Variants in MICAL3 observed in about 807,000 individuals in gnomAD.
The protein encoded by MICAL3 is microtubule associated monooxygenase, calponin and LIM domain containing 3, also known as [F-actin]-monooxygenase MICAL3.
In MICAL3, 62 loss-of-function variants were observed where a neutral mutation model predicts 207.4. The ratio of observed to expected loss-of-function variants is 0.30; its 90% CI spans 0.24 to 0.37. The LOEUF (loss-of-function observed/expected upper bound fraction) is 0.37, where lower values mean the gene tolerates loss of function less well. Ranked by LOEUF, MICAL3 falls within the 10% of genes least tolerant of loss-of-function variation. The pLI is 1.00. For missense variants in MICAL3, 2,368 were observed against 2,635.6 expected (o/e 0.90, Z 2.22); for synonymous variants, 1,077 against 1,069.3 (o/e 1.01, Z -0.14).
intron 1 of MICAL3, among the ~76,000 whole-genome samples, chr22:17,926,943 T>C (rs1436733349): frequency 6.6e-6 from 1 of 151,494 alleles, no homozygotes; most frequent in East Asian, 1.9e-4. Flanking sequence ...ATATATAACA[T>C]AAAAGTTGTT....
chr22:17,994,231 C>T lies in MICAL3; in HGVS notation c.-75+30050G>A, dbSNP rs183367528. On this transcript the variant is annotated intron_variant, in intron 1 of 31. Coordinates refer to ENST00000441493, the MANE Select transcript of MICAL3 (RefSeq NM_015241.3). ...GTTGGTGGAGGAGGGAGGAATATGG[C>T]TAGAACCTCTGTAAGCTGACTTTCT... Among the ~76,000 whole-genome samples, 11 of 152,320 alleles carry T rather than the reference C, an allele frequency of 7.2e-5. No homozygotes were observed. In the East Asian group the frequency reaches 1.7e-3, roughly 24 times the overall value.
At position 17,906,565 on chromosome 22, in the gene MICAL3, G is replaced by C. The variant is rs781098933; in HGVS notation, c.248C>G (p.Ala83Gly). Reference sequence around the variant, plus strand: ...AAAGCTTACCTTGGTGTTAGTGCACGCTTTTCCCTTTTTGTAGTCTTTGTG... The same window carrying C: ...AAAGCTTACCTTGGTGTTAGTGCACCCTTTTCCCTTTTTGTAGTCTTTGTG... ...GSHKDYKKGK[A>G]CTNTKCLIIG... Residue 83 changes from alanine (A) to glycine (G), a missense_variant, in exon 2 of 32, where the codon GCG (alanine) becomes GGG (glycine). Physicochemically the swap from Ala to Gly is moderately conservative, Grantham distance 60. Around this residue, in one of 4 missense-constraint regions of MICAL3, gnomAD observed 400 missense variants for 547.0 expected, o/e 0.73. Coordinates refer to ENST00000441493, the MANE Select transcript of MICAL3 (RefSeq NM_015241.3). The C allele has an allele frequency of 1.2e-6, 2 of 1,611,842 alleles. No individual in the cohort carries two copies. Among genetic ancestry groups the C allele is most frequent in the Non-Finnish European group, 1.7e-6 (2 of 1,178,398 alleles).
chr22:17,931,416 G>T (rs1384560678), intron 1 of MICAL3, among the ~76,000 whole-genome samples: 1 of 152,236 alleles, frequency 6.6e-6, no homozygotes, highest in African/African-American at 2.4e-5. Flanking sequence ...TACTAAGGAA[G>T]AACCACACAC....
At chr22:17,901,108 C>G in intron 5 of MICAL3, 111 bp from the exon 6 acceptor site, 1 of 1,039,688 alleles carries the variant, frequency 9.6e-7, no homozygotes, top group Non-Finnish European at 1.5e-6. Flanking sequence ...GGGATGAGAA[C>G]TGATGGGAAA....
chr22:17,883,652 G>A (rs1268687190), intron 16 of MICAL3, among the ~76,000 whole-genome samples: 1 of 152,126 alleles, frequency 6.6e-6, no homozygotes, highest in African/African-American at 2.4e-5. Flanking sequence ...CTTAGAAAGC[G>A]CATGCCATCA....
intron 29 of MICAL3, 77 bp from the exon 30 acceptor site, chr22:17,791,378 G>A (rs2061823087): frequency 8.0e-7 from 1 of 1,245,480 alleles, no homozygotes; most frequent in Non-Finnish European, 1.2e-6. Flanking sequence ...CGGGGCAAAT[G>A]TGCAAAGAGG....
At chr22:17,873,320 A>C (rs1282642188) in intron 16 of MICAL3, among the ~76,000 whole-genome samples, 1 of 152,226 alleles carries the variant, frequency 6.6e-6, no homozygotes. Context: ...CTCAGAAGGA[A>C]CCATGTTCAC....
At chr22:17,809,881 CTTTT>C (rs532173895) in intron 28 of MICAL3, among the ~76,000 whole-genome samples, 2 of 146,552 alleles carry the variant, frequency 1.4e-5, no homozygotes, top group Non-Finnish European at 3.0e-5. Flanking sequence ...AGGGTTCTTC[CTTTT>C]TTTTTTTATT....
In MICAL3 at chr22:17,820,938, TTA is replaced by T. The variant is rs1338763227; in HGVS notation, c.3531+487_3531+488del. 1.6e-4 allele frequency among the ~76,000 whole-genome samples: 22 copies of T among 141,350 alleles called. 1 individual carries two copies. Among genetic ancestry groups the T allele is most frequent in the South Asian group, 1.1e-3 (5 of 4,634 alleles). The allele number at this position is 141,350 out of a possible 152,430, so 92.7% of individuals were successfully genotyped here. ...TTTATAAACATAAATTTTAATAAAT[TTA>T]TGTTTATAAACATAAATTTTAATAA... On this transcript the variant is annotated intron_variant, in intron 25 of 31. Coordinates refer to ENST00000441493, the MANE Select transcript of MICAL3 (RefSeq NM_015241.3).
At chr22:17,809,342 T>A (rs2062019507) in intron 28 of MICAL3, among the ~76,000 whole-genome samples, 1 of 152,128 alleles carries the variant, frequency 6.6e-6, no homozygotes, top group Non-Finnish European at 1.5e-5. Context: ...ACGATAAAAA[T>A]TTAAAACAGA....
rs1327166044 is a variant in MICAL3, at chr22:17,823,021, G to A, written c.3233C>T (p.Ser1078Leu). Reference protein sequence around the residue: ...DENDLEEDVDSEPAEIEGEAA... With the variant: ...DENDLEEDVDLEPAEIEGEAA... ...CTCCCCTTCTATCTCGGCTGGTTCTGAGTCCACATCTTCCTCTAGGTCATT... is the reference window on the plus strand; with the variant it reads ...CTCCCCTTCTATCTCGGCTGGTTCTAAGTCCACATCTTCCTCTAGGTCATT... The change falls in exon 23 of 32, where the codon TCA becomes TTA. Residue 1078 changes from serine to leucine, a missense_variant. Transcript: ENST00000441493. The A allele has an allele frequency of 1.2e-6, 2 of 1,613,768 alleles. No homozygotes were observed. The highest frequency in any genetic ancestry group is 1.7e-6 in the Non-Finnish European group (2 of 1,179,734).
chr22:17,794,978 T>C (rs887431949), intron 29 of MICAL3, among the ~76,000 whole-genome samples: 7 of 152,208 alleles, frequency 4.6e-5, no homozygotes, highest in African/African-American at 1.7e-4. Context: ...CTTGTTTTAC[T>C]CAACAGAAGG....
intron 1 of MICAL3, among the ~76,000 whole-genome samples, chr22:17,946,332 G>A (rs1934064855): frequency 6.6e-6 from 1 of 152,216 alleles, no homozygotes; most frequent in Non-Finnish European, 1.5e-5. Context: ...AGAGCAGCCA[G>A]CACAGCTTGC....
At chr22:17,876,694 G>T (rs1928387597) in intron 16 of MICAL3, 1 of 150,786 alleles carries the variant, frequency 6.6e-6, no homozygotes, top group Admixed American at 6.6e-5. Flanking sequence ...AAGTACACAT[G>T]CAGGGTTATG....
At chr22:17,942,160 C>T (rs1229837672) in intron 1 of MICAL3, among the ~76,000 whole-genome samples, 3 of 152,208 alleles carry the variant, frequency 2.0e-5, no homozygotes, top group Non-Finnish European at 4.4e-5. Context: ...GCAGCCACAC[C>T]GCAACATGGC....
At position 17,825,783 on chromosome 22, in the gene MICAL3, T is replaced by C. The variant is rs1922116722; in HGVS notation, c.3193+1861A>G. 2.0e-5 allele frequency among the ~76,000 whole-genome samples: 3 copies of C among 152,216 alleles called. No homozygotes were observed. The South Asian group carries it at 6.2e-4, about 32-fold the overall frequency. Reference sequence around the variant, plus strand: ...CTCCAAGGGCCGAGGCCAAGAATGTTAAACCTTCTGCAAGGGAAAGAGCTG... The same window carrying C: ...CTCCAAGGGCCGAGGCCAAGAATGTCAAACCTTCTGCAAGGGAAAGAGCTG... On this transcript the variant is annotated intron_variant, in intron 22 of 31. Transcript: ENST00000441493.
chr22:17,805,612 G>A (rs921027548), intron 29 of MICAL3, among the ~76,000 whole-genome samples: 2 of 152,232 alleles, frequency 1.3e-5, no homozygotes, highest in African/African-American at 4.8e-5. Flanking sequence ...TGGTTTTCAA[G>A]CCTCTGTGGA....
intron 1 of MICAL3, among the ~76,000 whole-genome samples, chr22:17,977,814 G>A (rs1019754073): frequency 7.9e-5 from 12 of 151,894 alleles, no homozygotes; most frequent in Admixed American, 2.0e-4. Flanking sequence ...ACCTGAGGTC[G>A]GGAGTTTGAG....
At chr22:18,014,986 C>CA (rs10689117) in intron 1 of MICAL3, among the ~76,000 whole-genome samples, 2,624 of 140,412 alleles carry the variant, frequency 0.019, 88 homozygotes, top group African/African-American at 0.063. Context: ...GACTCCATCT[C>CA]AAAAAAAAAA....
Sources: gnomAD v4.1 joint callset for allele counts (sites outside exome capture counted in the v4.1 genomes callset) on GRCh38, gnomAD v4.1.1 for gene constraint, gnomAD v4.1.1 regional missense constraint, MANE v1.5 for transcripts, NCBI Gene and HGNC (gene_info 2026-07-23, HGNC 2026-07-21) for gene names.